C12orf76: variants seen among roughly 807,000 people sequenced by gnomAD.
The protein encoded by C12orf76 is chromosome 12 open reading frame 76.
A neutral mutation model predicts 6.8 loss-of-function variants in C12orf76; 6 were observed. The ratio of observed to expected loss-of-function variants is 0.88; its 90% CI spans 0.48 to 1.73. The LOEUF (loss-of-function observed/expected upper bound fraction) is 1.73, where lower values mean the gene tolerates loss of function less well. C12orf76 is among the 40% of genes most tolerant of loss of function. The pLI is 0.01. For synonymous variants in C12orf76, 56 were observed against 43.7 expected (o/e 1.28, Z -1.11); for missense variants, 99 against 98.2 (o/e 1.01, Z -0.03).
chr12:110,057,305 C>T, intron 3 of C12orf76: 1 of 1,591,990 alleles, frequency 6.3e-7, no homozygotes, highest in Non-Finnish European at 8.6e-7. Flanking sequence ...TCCTAAGGTT[C>T]CAGAGCAAAA....
At chr12:110,043,340 T>C (rs1165056317) in intron 1 of C12orf76, among the ~76,000 whole-genome samples, 1 of 151,102 alleles carries the variant, frequency 6.6e-6, no homozygotes, top group East Asian at 1.9e-4. Flanking sequence ...TAGGGGGCTG[T>C]AGGCAAAGGA....
chr12:110,057,019 G>A (rs1367334496), intron 4 of C12orf76: 2 of 606,506 alleles, frequency 3.3e-6, no homozygotes, highest in Non-Finnish European at 5.9e-6. Context: ...TGGATGAGGA[G>A]GAGCCCTGGA....
chr12:110,059,282 A>T (rs1374886717), intron 2 of C12orf76: 12 of 1,221,150 alleles, frequency 9.8e-6, no homozygotes, highest in Non-Finnish European at 1.3e-5. Flanking sequence ...ATTCTTCGGG[A>T]TTCTCCATAT....
chr12:110,043,339 G>C (rs1892366045), intron 1 of C12orf76, among the ~76,000 whole-genome samples: 1 of 151,462 alleles, frequency 6.6e-6, no homozygotes, highest in South Asian at 2.1e-4. Flanking sequence ...CTAGGGGGCT[G>C]TAGGCAAAGG....
upstream of C12orf76, among the ~76,000 whole-genome samples, chr12:110,072,665 A>G (rs11833313): frequency 0.081 from 12,310 of 152,194 alleles, 517 homozygotes; most frequent in African/African-American, 0.095. Flanking sequence ...GCTCACGCCT[A>G]TAATCCCAGC....
intron 1 of C12orf76, among the ~76,000 whole-genome samples, chr12:110,043,871 A>AAAC (rs5800882): frequency 0.12 from 16,319 of 141,268 alleles, 1,965 homozygotes; most frequent in African/African-American, 0.31. Flanking sequence ...AAACAAAAAC[A>AAAC]AAAAAAAAAA....
At chr12:110,068,025 A>G (rs913617877), upstream of C12orf76, among the ~76,000 whole-genome samples, 1 of 151,956 alleles carries the variant, frequency 6.6e-6, no homozygotes, top group African/African-American at 2.4e-5. Context: ...CAGCCTGACC[A>G]ACATGGTTAA....
upstream of C12orf76, chr12:110,048,798 G>T: frequency 2.3e-6 from 1 of 441,666 alleles, no homozygotes; most frequent in Non-Finnish European, 3.3e-6. Flanking sequence ...TCGAGGTCTT[G>T]TAGGTCCATT....
chr12:110,049,998 G>A (rs1316561058), upstream of C12orf76: 8 of 152,192 alleles, frequency 5.3e-5, no homozygotes, highest in African/African-American at 1.9e-4. Context: ...CAGAAATTGT[G>A]CATTCGGGGA....
upstream of C12orf76, chr12:110,050,340 C>T (rs1177477405): frequency 1.3e-5 from 2 of 152,598 alleles, no homozygotes; most frequent in African/African-American, 2.4e-5. Context: ...ATGTGCAATA[C>T]AAATGTCAGA....
chr12:110,073,564 C>T (rs1346914007), exon 1 of C12orf76: 2 of 502,272 alleles, frequency 4.0e-6, no homozygotes, highest in Admixed American at 2.0e-5. Flanking sequence ...TCCCTTCCTG[C>T]GCGGGGCTGG....
chr12:110,071,509 CT>C (rs561969051), upstream of C12orf76, among the ~76,000 whole-genome samples: 1 of 151,020 alleles, frequency 6.6e-6, no homozygotes, highest in Non-Finnish European at 1.5e-5. Context: ...CTCCTCATGC[CT>C]TTTTTTTTGT....
upstream of C12orf76, among the ~76,000 whole-genome samples, chr12:110,069,035 G>GA (rs891920635): frequency 2.6e-5 from 4 of 152,116 alleles, no homozygotes; most frequent in African/African-American, 9.7e-5. Flanking sequence ...TAACAAAGAG[G>GA]AAAAAAGCAA....
rs1212530294 is a variant in C12orf76 at position 110,054,440 on chromosome 12, G to T, written n.664+2749C>A. Among the ~76,000 whole-genome samples the T allele has an allele frequency of 6.6e-6, 1 of 152,156 alleles. No individual in the cohort carries two copies. Among genetic ancestry groups the T allele is most frequent in the Non-Finnish European group, 1.5e-5 (1 of 68,040 alleles). ...ACATTATGTCTGCTACCTCAGAGAG[G>T]CTAGTCACAAAAGGCCACACATATT... On this transcript the variant is annotated intron_variant and non_coding_transcript_variant, in intron 4 of 4. Coordinates refer to the C12orf76 transcript ENST00000309050. The surrounding 1 kb of genome is among the most constrained non-coding windows in gnomAD (Gnocchi z 4.4).
upstream of C12orf76, among the ~76,000 whole-genome samples, chr12:110,053,508 AC>A (rs148833161): frequency 0.069 from 10,433 of 152,140 alleles, 580 homozygotes; most frequent in African/African-American, 0.15. Context: ...TGGGGGGAAA[AC>A]AAAAAAGTTC....
Position 110,041,518 on chromosome 12 carries a change from C to T in C12orf76, c.*856G>A, listed in dbSNP as rs1892310995. On this transcript the variant is annotated 3_prime_UTR_variant, in exon 2 of 2. Coordinates refer to ENST00000615315, the MANE Select transcript of C12orf76 (RefSeq NM_001389625.1). Reference sequence around the variant, plus strand: ...AAAGCTGAGATGAAATTTGTGTAAACACACACTGGCCCGCACAGTGGACAT... The same window carrying T: ...AAAGCTGAGATGAAATTTGTGTAAATACACACTGGCCCGCACAGTGGACAT... 6.6e-6 allele frequency: 1 copy of T among 152,346 alleles called. No individual in the cohort carries two copies. The allele number at this position is 152,346 out of a possible 1,614,324, so 9.4% of individuals were successfully genotyped here.
chr12:110,042,949 T>C (rs565342792), intron 1 of C12orf76, among the ~76,000 whole-genome samples: 1 of 151,970 alleles, frequency 6.6e-6, no homozygotes, highest in Admixed American at 6.6e-5. Context: ...CTCAGGAGGC[T>C]ACTCCTGAGC....
At chr12:110,047,250 G>A (rs909278097) in intron 1 of C12orf76, among the ~76,000 whole-genome samples, 2 of 152,136 alleles carry the variant, frequency 1.3e-5, no homozygotes, top group Admixed American at 6.5e-5. Flanking sequence ...TATTTACGCA[G>A]CGTGTGTGTG....
At chr12:110,072,661 G>A (rs771749414), upstream of C12orf76, among the ~76,000 whole-genome samples, 35 of 152,244 alleles carry the variant, frequency 2.3e-4, no homozygotes, top group Non-Finnish European at 3.7e-4. Flanking sequence ...GGTGGCTCAC[G>A]CCTATAATCC....
Sources: gnomAD v4.1 joint callset for allele counts (sites outside exome capture counted in the v4.1 genomes callset) on GRCh38, gnomAD v4.1.1 for gene constraint, Gnocchi (gnomAD v3.1) non-coding constraint, MANE v1.5 for transcripts, NCBI Gene and HGNC (gene_info 2026-07-23, HGNC 2026-07-21) for gene names.